TANC1: variants seen among roughly 807,000 people sequenced by gnomAD.
TANC1 encodes protein TANC1.
Under a neutral mutation model 149.7 loss-of-function variants are expected in TANC1, and 77 were observed. The observed-to-expected ratio is 0.51, with a 90% confidence interval of 0.43 to 0.62. The LOEUF (loss-of-function observed/expected upper bound fraction) is 0.62. Among genes scored for constraint, TANC1 ranks in the 20% least tolerant of loss-of-function variants. The pLI is 0.00. For missense variants in TANC1, 1,985 were observed against 2,321.8 expected (o/e 0.85, Z 2.98); for synonymous variants, 854 against 925.0 (o/e 0.92, Z 1.39).
At chr2:159,092,045 C>G (rs2045611441) in intron 3 of TANC1, among the ~76,000 whole-genome samples, 1 of 152,024 alleles carries the variant, frequency 6.6e-6, no homozygotes, top group African/African-American at 2.4e-5. Flanking sequence ...AAGGCGGGGA[C>G]TGCACAAAAG....
At chr2:159,204,660 G>A (rs2058480742) in intron 19 of TANC1, among the ~76,000 whole-genome samples, 1 of 152,140 alleles carries the variant, frequency 6.6e-6, no homozygotes, top group Non-Finnish European at 1.5e-5. Flanking sequence ...GGCTCCCCAG[G>A]GCTACGCTTC....
At chr2:159,090,695 C>G (rs1222394074) in intron 3 of TANC1, among the ~76,000 whole-genome samples, 1 of 152,222 alleles carries the variant, frequency 6.6e-6, no homozygotes, top group Non-Finnish European at 1.5e-5. Context: ...GCCAGGTTGC[C>G]TTCCACCACA....
chr2:158,980,630 C>T (rs961702280), intron 1 of TANC1, among the ~76,000 whole-genome samples: 2 of 151,982 alleles, frequency 1.3e-5, no homozygotes, highest in African/African-American at 4.8e-5. Flanking sequence ...CAAAAAATAG[C>T]CGGGCATGGT....
chr2:159,159,108 C>T (rs1208643788), intron 7 of TANC1, among the ~76,000 whole-genome samples: 1 of 152,170 alleles, frequency 6.6e-6, no homozygotes, highest in Non-Finnish European at 1.5e-5. Context: ...CCTGGACCGA[C>T]ACTGATTTTA....
intron 4 of TANC1, among the ~76,000 whole-genome samples, chr2:159,111,619 C>T (rs1191347041): frequency 6.6e-6 from 1 of 152,140 alleles, no homozygotes; most frequent in Admixed American, 6.5e-5. Context: ...CACCAGAATC[C>T]CGTATAGGAG....
intron 22 of TANC1, among the ~76,000 whole-genome samples, chr2:159,222,625 A>T (rs929900633): frequency 1.3e-5 from 2 of 152,158 alleles, no homozygotes; most frequent in African/African-American, 4.8e-5. Flanking sequence ...CATCTCGTTT[A>T]TCCAGTCATC....
chr2:159,038,438 A>G (rs2040376242), intron 2 of TANC1, among the ~76,000 whole-genome samples: 1 of 152,322 alleles, frequency 6.6e-6, no homozygotes, highest in South Asian at 2.1e-4. Context: ...GGAGTTTTCA[A>G]AGGGAATGCT....
At chr2:159,013,876 G>A (rs757820749) in intron 2 of TANC1, among the ~76,000 whole-genome samples, 16 of 152,152 alleles carry the variant, frequency 1.1e-4, no homozygotes, top group Non-Finnish European at 1.9e-4. Flanking sequence ...TGGCAGAGCT[G>A]GTTCTTTCCT....
intron 19 of TANC1, among the ~76,000 whole-genome samples, chr2:159,207,492 G>A (rs1190875456): frequency 6.6e-6 from 1 of 151,944 alleles, no homozygotes; most frequent in Admixed American, 6.6e-5. Context: ...ACGAGGTCAG[G>A]AGTTCAAGAC....
chr2:159,083,565 T>C (rs766641067), intron 3 of TANC1, among the ~76,000 whole-genome samples: 3 of 152,220 alleles, frequency 2.0e-5, no homozygotes, highest in Non-Finnish European at 2.9e-5. Flanking sequence ...TTATGTTGAT[T>C]TCCTTGTCAA....
At chr2:159,128,925 G>A (rs905683642) in intron 4 of TANC1, among the ~76,000 whole-genome samples, 7 of 152,086 alleles carry the variant, frequency 4.6e-5, no homozygotes, top group Non-Finnish European at 1.0e-4. Flanking sequence ...TAGTGATAAA[G>A]GTTCCCCCTG....
intron 19 of TANC1, among the ~76,000 whole-genome samples, chr2:159,199,582 A>G (rs1251544083): frequency 6.6e-6 from 1 of 152,270 alleles, no homozygotes; most frequent in Non-Finnish European, 1.5e-5. Flanking sequence ...TACAGTGAGA[A>G]GCCTGGGCTG....
intron 3 of TANC1, among the ~76,000 whole-genome samples, chr2:159,071,739 C>T (rs899906400): frequency 6.6e-6 from 1 of 152,136 alleles, no homozygotes; most frequent in Non-Finnish European, 1.5e-5. Context: ...TCTGTGCTGC[C>T]ACTGCCCGTT....
chr2:159,137,956 TA>T (rs1190478687), intron 5 of TANC1, among the ~76,000 whole-genome samples: 1 of 152,212 alleles, frequency 6.6e-6, no homozygotes, highest in African/African-American at 2.4e-5. Context: ...TATTAGGCAA[TA>T]AAAGGTTATA....
At chr2:159,002,350 GA>G (rs1209139236) in intron 2 of TANC1, among the ~76,000 whole-genome samples, 3 of 152,190 alleles carry the variant, frequency 2.0e-5, no homozygotes, top group Admixed American at 6.5e-5. Flanking sequence ...TGAACGTAGG[GA>G]GGGGGTGGCA....
intron 4 of TANC1, among the ~76,000 whole-genome samples, chr2:159,120,291 C>G (rs1454244359): frequency 6.6e-6 from 1 of 152,004 alleles, no homozygotes; most frequent in Non-Finnish European, 1.5e-5. Flanking sequence ...GCAGTCCTTA[C>G]CAGCAGGGTG....
In TANC1 at chr2:159,173,383, A is replaced by G. The variant is rs189314493; in HGVS notation, c.1503+1111A>G. Among the ~76,000 whole-genome samples the G allele has an allele frequency of 2.7e-3, 413 of 152,162 alleles. 3 individuals carry two copies. Among genetic ancestry groups the G allele is most frequent in the Middle Eastern group, 6.8e-3 (2 of 294 alleles). ...TTTGGGAGGCCGAGGCGTACAGATC[A>G]CTCCAGTGGTCAGGAGTTGGAGACC... On this transcript the variant is annotated intron_variant, in intron 11 of 26. Coordinates refer to ENST00000263635, the MANE Select transcript of TANC1 (RefSeq NM_033394.3).
chr2:159,172,016 C>CGA (rs1459537264), intron 10 of TANC1, 105 bp from the exon 11 acceptor site: 3 of 1,184,932 alleles, frequency 2.5e-6, no homozygotes, highest in Non-Finnish European at 3.6e-6. Context: ...ACCATGTTCA[C>CGA]TCCTTGCTTA....
chr2:159,179,560 T>G (rs898664051), intron 14 of TANC1, among the ~76,000 whole-genome samples: 2 of 152,146 alleles, frequency 1.3e-5, no homozygotes, highest in African/African-American at 4.8e-5. Context: ...GTTCCCTGTG[T>G]GTCTGCAGAC....
Sources: allele counts gnomAD v4.1 joint callset (sites outside exome capture counted in the v4.1 genomes callset), GRCh38; gene constraint gnomAD v4.1.1; transcripts MANE v1.5; gene names NCBI Gene and HGNC (gene_info 2026-07-23, HGNC 2026-07-21).